Variants in PECR observed in about 807,000 individuals in gnomAD.
The protein encoded by PECR is peroxisomal trans-2-enoyl-CoA reductase.
PECR carries 30 observed loss-of-function variants against 35.3 expected under a neutral mutation model. The observed-to-expected ratio is 0.85, with a 90% confidence interval of 0.64 to 1.15. The LOEUF is 1.15. PECR is among the 50% of genes most tolerant of loss of function. The pLI, the probability that PECR is intolerant of heterozygous loss-of-function variation, is 0.00. For synonymous variants in PECR, 148 were observed against 138.9 expected, an observed-to-expected ratio of 1.07 and a Z score of -0.46; for missense variants, 392 against 370.8, an observed-to-expected ratio of 1.06 and a Z score of -0.47.
At chr2:216,032,262 A>G (rs1694721800) in intron 7 of PECR, among the ~76,000 whole-genome samples, 1 of 152,266 alleles carries the variant, frequency 6.6e-6, no homozygotes, top group East Asian at 1.9e-4. Flanking sequence ...AGAGAAATGA[A>G]AACAAAAGCC....
At chr2:216,079,663 G>A (rs1371357831) in intron 1 of PECR, among the ~76,000 whole-genome samples, 5 of 147,940 alleles carry the variant, frequency 3.4e-5, no homozygotes, top group South Asian at 2.2e-4. Context: ...CACCGTGCCC[G>A]GCCCTGCATG....
intron 1 of PECR, among the ~76,000 whole-genome samples, chr2:216,068,056 G>T (rs1173953535): frequency 2.6e-5 from 4 of 151,540 alleles, no homozygotes; most frequent in Admixed American, 1.3e-4. Context: ...GTGAAACCCT[G>T]TCTCTACTAA....
intron 3 of PECR, among the ~76,000 whole-genome samples, chr2:216,061,448 T>A (rs375542015): frequency 1.3e-5 from 2 of 151,840 alleles, no homozygotes; most frequent in African/African-American, 2.4e-5. Flanking sequence ...GAAAAATGTA[T>A]CTTTACAACA....
intron 7 of PECR, among the ~76,000 whole-genome samples, chr2:216,029,448 G>A (rs1000671144): frequency 4.2e-5 from 6 of 141,208 alleles, no homozygotes; most frequent in South Asian, 2.3e-4. Context: ...ACTGCACTCC[G>A]CCTGGCGAGA....
intron 4 of PECR, among the ~76,000 whole-genome samples, 176 bp downstream of exon 4, chr2:216,058,719 A>AAAAAACACT (rs1695277428): frequency 6.6e-6 from 1 of 151,536 alleles, no homozygotes; most frequent in African/African-American, 2.4e-5. Flanking sequence ...CTGGATGAAA[A>AAAAAACACT]TGTTTTAGAA....
At chr2:216,048,721 T>TTCA (rs749740011) in intron 6 of PECR, among the ~76,000 whole-genome samples, 17 of 151,490 alleles carry the variant, frequency 1.1e-4, no homozygotes, top group South Asian at 2.1e-4. Context: ...AGTCATCGTC[T>TTCA]TCATCATCGT....
At chr2:216,035,488 CT>C (rs535525763), downstream of PECR, among the ~76,000 whole-genome samples, 4,156 of 127,768 alleles carry the variant, frequency 0.033, 124 homozygotes, top group African/African-American at 0.087. Context: ...GAGGGCTCTT[CT>C]TTTTTTTTTT....
chr2:216,034,514 T>G (rs752363756), downstream of PECR, among the ~76,000 whole-genome samples: 1 of 152,164 alleles, frequency 6.6e-6, no homozygotes, highest in African/African-American at 2.4e-5. Flanking sequence ...TGTGATATTT[T>G]TTTTTCCTAC....
chr2:216,077,324 GT>G (rs1695727721), intron 1 of PECR, among the ~76,000 whole-genome samples: 1 of 80,866 alleles, frequency 1.2e-5, no homozygotes, highest in African/African-American at 6.2e-5. Context: ...GGCTAACACG[GT>G]GAAACCCCCG....
chr2:216,036,380 A>G (rs1387695171), downstream of PECR, among the ~76,000 whole-genome samples: 1 of 152,196 alleles, frequency 6.6e-6, no homozygotes, highest in Non-Finnish European at 1.5e-5. Flanking sequence ...ATTTAAGGAG[A>G]ATAGCAGCAC....
chr2:216,071,161 T>C (rs1304086724), intron 1 of PECR, among the ~76,000 whole-genome samples: 2 of 152,304 alleles, frequency 1.3e-5, no homozygotes, highest in South Asian at 2.1e-4. Flanking sequence ...GCACACACCT[T>C]GAGGGCACCC....
chr2:216,029,427 G>A (rs1694646170), intron 7 of PECR, among the ~76,000 whole-genome samples: 1 of 152,022 alleles, frequency 6.6e-6, no homozygotes, highest in Non-Finnish European at 1.5e-5. Flanking sequence ...GCAGTGAGCT[G>A]AGATCACGCC....
In PECR at chr2:216,058,949, CCATG is replaced by C. The variant is rs1474126110; in HGVS notation, c.448_451del (p.His150GlufsTer17). 6.2e-7 allele frequency: 1 copy of C among 1,609,936 alleles called. No individual in the cohort carries two copies. Among genetic ancestry groups the C allele is most frequent in the Admixed American group, 1.7e-5 (1 of 60,012 alleles). The stretch of plus-strand genomic sequence containing the variant: ...GACAATGATATTGACGATAGATCCT[CCATG>C]CTCTTTCATCCAGGAGCTGTAAACT... On this transcript the variant is annotated frameshift_variant, in exon 4 of 8. Coordinates refer to ENST00000265322, the MANE Select transcript of PECR (RefSeq NM_018441.6). LOFTEE classifies it high-confidence loss of function.
chr2:216,081,003 A>G (rs1326296292), intron 1 of PECR, among the ~76,000 whole-genome samples: 2 of 152,160 alleles, frequency 1.3e-5, no homozygotes, highest in African/African-American at 4.8e-5. Flanking sequence ...ACCAACAAAC[A>G]ATTTATCTTA....
At chr2:216,077,050 C>T (rs972025770) in intron 1 of PECR, among the ~76,000 whole-genome samples, 1 of 151,530 alleles carries the variant, frequency 6.6e-6, no homozygotes, top group African/African-American at 2.4e-5. Flanking sequence ...CACGCACGCA[C>T]CACCTCGCCT....
intron 1 of PECR, among the ~76,000 whole-genome samples, chr2:216,069,275 T>C (rs1413762407): frequency 6.6e-6 from 1 of 152,222 alleles, no homozygotes; most frequent in East Asian, 1.9e-4. Flanking sequence ...TATCAGTGAA[T>C]GCCCACTGTG....
At position 216,044,858 on chromosome 2, in the gene PECR, G is replaced by A. The variant is rs142458111; in HGVS notation, c.715-843C>T. Among the ~76,000 whole-genome samples the A allele has an allele frequency of 4.6e-3, 701 of 152,288 alleles. 8 individuals carry two copies. Among genetic ancestry groups the A allele is most frequent in the African/African-American group, 0.016 (672 of 41,560 alleles). On this transcript the variant is annotated intron_variant, in intron 6 of 7. Coordinates refer to ENST00000265322, the MANE Select transcript of PECR (RefSeq NM_018441.6). The stretch of plus-strand genomic sequence containing the variant: ...AAGGAGCTCTCACTTGAGGCTGTGG[G>A]AAGAAGCAGAGTTTCTCAAAGGGTG...
At chr2:216,040,568 T>C (rs1393798306) in intron 7 of PECR, among the ~76,000 whole-genome samples, 1 of 152,162 alleles carries the variant, frequency 6.6e-6, no homozygotes, top group African/African-American at 2.4e-5. Context: ...ACATAGGGAT[T>C]TAAATGTGCA....
chr2:216,041,324 A>G (rs1694882756), intron 7 of PECR, among the ~76,000 whole-genome samples: 2 of 152,194 alleles, frequency 1.3e-5, no homozygotes, highest in African/African-American at 2.4e-5. Flanking sequence ...AGAGAAGTGG[A>G]AAGATTCTCT....
Sources: gnomAD v4.1 joint callset for allele counts (sites outside exome capture counted in the v4.1 genomes callset) on GRCh38, gnomAD v4.1.1 for gene constraint, MANE v1.5 for transcripts, NCBI Gene and HGNC (gene_info 2026-07-23, HGNC 2026-07-21) for gene names.